Variants in CAMKK1 observed in about 807,000 individuals in gnomAD.
The protein encoded by CAMKK1 is calcium/calmodulin-dependent protein kinase kinase 1.
In CAMKK1, 20 loss-of-function variants were observed where a neutral mutation model predicts 63.5. The ratio of observed to expected loss-of-function variants is 0.32; its 90% CI spans 0.22 to 0.46. CAMKK1 has a LOEUF of 0.46. CAMKK1 is among the 20% of genes least tolerant of loss of function. CAMKK1 has a pLI of 1.00. For synonymous variants in CAMKK1, 253 were observed against 269.0 expected, an observed-to-expected ratio of 0.94 and a Z score of 0.58; for missense variants, 588 against 658.1, an observed-to-expected ratio of 0.89 and a Z score of 1.17.
At chr17:3,863,999 C>T (rs1027750800) in intron 15 of CAMKK1, among the ~76,000 whole-genome samples, 1 of 151,510 alleles carries the variant, frequency 6.6e-6, no homozygotes, top group African/African-American at 2.4e-5. Flanking sequence ...GTCACCCAGG[C>T]TGGAGTACAG....
chr17:3,867,808 G>C (rs897445654), intron 14 of CAMKK1, among the ~76,000 whole-genome samples: 10 of 152,162 alleles, frequency 6.6e-5, no homozygotes, highest in Non-Finnish European at 1.3e-4. Context: ...TTGACTGTCA[G>C]GCAGGGGCAG....
At chr17:3,875,290 C>T (rs932011995) in intron 10 of CAMKK1, among the ~76,000 whole-genome samples, 30 of 152,114 alleles carry the variant, frequency 2.0e-4, no homozygotes, top group African/African-American at 6.8e-4. Context: ...ACATCCCCAA[C>T]GTCTTTCTTT....
intron 10 of CAMKK1, 142 bp downstream of exon 10, chr17:3,876,081 T>C (rs1377737423): frequency 2.6e-6 from 2 of 767,418 alleles, no homozygotes; most frequent in Non-Finnish European, 4.1e-6. Flanking sequence ...GTTGTGGAGT[T>C]TGTCAGGCTC....
intron 10 of CAMKK1, among the ~76,000 whole-genome samples, chr17:3,874,957 TA>T (rs1295710214): frequency 1.3e-5 from 2 of 151,538 alleles, no homozygotes; most frequent in African/African-American, 2.4e-5. Context: ...CCGTCTCTAC[TA>T]AAAAATACAA....
chr17:3,869,126 G>A (rs559968366), intron 14 of CAMKK1, among the ~76,000 whole-genome samples: 10 of 150,534 alleles, frequency 6.6e-5, no homozygotes, highest in Non-Finnish European at 1.3e-4. Context: ...CCGCCACCAC[G>A]CCCAGCTAAT....
At position 3,882,508 on chromosome 17, in the gene CAMKK1, G is replaced by A. The variant is rs760431552; in HGVS notation, c.685+20C>T. ...GCCAGCCCTGAGTGAGCTGCTGTGGGAATGAGCCAGGTCACTCACCCAAAT... is the reference window on the plus strand; with the variant it reads ...GCCAGCCCTGAGTGAGCTGCTGTGGAAATGAGCCAGGTCACTCACCCAAAT... On this transcript the variant is annotated intron_variant, in intron 7 of 15. Transcript: ENST00000348335. This position sits in a 1 kb window ranked among gnomAD's most constrained non-coding sequence, Gnocchi z 4.3. 3.1e-6 allele frequency: 5 copies of A among 1,596,708 alleles called. No homozygotes were observed. In the Admixed American group the frequency reaches 8.8e-5, roughly 28 times the overall value.
chr17:3,884,329 C>T lies in CAMKK1; in HGVS notation c.408+51G>A. ...CTCCCACACGAGAGAAGGAGCAGCG[C>T]CAAACAGAGAATCCCGAAGCCCCCA... On this transcript the variant is annotated intron_variant, in intron 3 of 15. Transcript: ENST00000348335. This position sits in a 1 kb window ranked among gnomAD's most constrained non-coding sequence, Gnocchi z 4.5. The T allele has an allele frequency of 6.3e-7, 1 of 1,590,482 alleles. No homozygotes were observed. The highest frequency in any genetic ancestry group is 1.1e-5 in the South Asian group (1 of 90,468).
chr17:3,872,182 C>A (rs1480777766), intron 12 of CAMKK1, among the ~76,000 whole-genome samples: 2 of 152,210 alleles, frequency 1.3e-5, no homozygotes, highest in East Asian at 1.9e-4. Flanking sequence ...AAATGGGGAG[C>A]ACGCACTGGC....
chr17:3,871,393 C>G (rs79414225), intron 12 of CAMKK1, among the ~76,000 whole-genome samples: 11,478 of 125,296 alleles, frequency 0.092, 751 homozygotes, highest in East Asian at 0.38. Context: ...CTCGCTCTGT[C>G]GCCCAGGCTG....
At position 3,885,383 on chromosome 17, in the gene CAMKK1, C is replaced by CG; in HGVS notation, c.304dup (p.Arg102ProfsTer32). The CG allele has an allele frequency of 1.2e-6, 2 of 1,611,014 alleles. No individual in the cohort carries two copies. The highest frequency in any genetic ancestry group is 1.1e-5 in the South Asian group (1 of 90,958). On this transcript the variant is annotated frameshift_variant, in exon 2 of 16. Coordinates refer to ENST00000348335, the MANE Select transcript of CAMKK1 (RefSeq NM_032294.3). LOFTEE classifies it high-confidence loss of function. The stretch of plus-strand genomic sequence containing the variant: ...CTCGATGGTGGGCCTCCGCCAGGCC[C>CG]GGGGGGAGATGTGGCTGGCAGGCCC...
intron 1 of CAMKK1, among the ~76,000 whole-genome samples, chr17:3,886,106 T>C (rs1197564783): frequency 6.6e-6 from 1 of 152,246 alleles, no homozygotes; most frequent in Non-Finnish European, 1.5e-5. Flanking sequence ...CATGCAGCCC[T>C]GTGAGTCATG....
At chr17:3,873,707 G>A (rs1184520824) in intron 10 of CAMKK1, among the ~76,000 whole-genome samples, 1 of 152,112 alleles carries the variant, frequency 6.6e-6, no homozygotes, top group African/African-American at 2.4e-5. Flanking sequence ...ACTCTAACCA[G>A]GTACGTTTCC....
intron 12 of CAMKK1, among the ~76,000 whole-genome samples, chr17:3,870,761 C>T (rs536832026): frequency 6.6e-6 from 1 of 152,264 alleles, no homozygotes; most frequent in Admixed American, 6.5e-5. Context: ...ACTTCGGTTC[C>T]CCCTGTTGTC....
In CAMKK1 at chr17:3,860,762, G is replaced by A. The variant is rs933712863; in HGVS notation, c.*1449C>T. On this transcript the variant is annotated 3_prime_UTR_variant, in exon 16 of 16. Transcript: ENST00000348335. ...CTGTATTACAGATGCATGTACCAGT[G>A]CAGGACATACGAGTGAGCTGTGTGC... 6.6e-6 allele frequency: 1 copy of A among 152,228 alleles called. No homozygotes were observed. Among genetic ancestry groups the A allele is most frequent in the African/African-American group, 2.4e-5 (1 of 41,444 alleles). 9.4% of individuals were successfully genotyped at this position (152,228 alleles called of 1,614,324 possible).
chr17:3,870,668 C>A (rs1431682786), intron 12 of CAMKK1, among the ~76,000 whole-genome samples: 1 of 152,108 alleles, frequency 6.6e-6, no homozygotes, highest in Non-Finnish European at 1.5e-5. Flanking sequence ...CCCGGCCAAA[C>A]CCCAGGTTTC....
In CAMKK1 at chr17:3,880,450, C is replaced by T. The variant is rs150158165; in HGVS notation, c.708-16G>A. On this transcript the variant is annotated splice_polypyrimidine_tract_variant and intron_variant, in intron 8 of 15. Transcript: ENST00000348335. ...CATGACGGGCCTATGGAGAAGGATG[C>T]GGGGAGGGGCATTCAGCTGAAATCA... is the stretch of plus-strand genomic sequence containing the variant. 1.6e-4 allele frequency: 256 copies of T among 1,604,890 alleles called. 1 individual carries two copies. The highest frequency in any genetic ancestry group is 1.4e-3 in the African/African-American group (102 of 74,770).
chr17:3,868,376 G>A (rs560962836), intron 14 of CAMKK1, among the ~76,000 whole-genome samples: 1 of 151,026 alleles, frequency 6.6e-6, no homozygotes, highest in South Asian at 2.1e-4. Flanking sequence ...GGGCGCTGGG[G>A]GAGACGCAGG....
intron 14 of CAMKK1, among the ~76,000 whole-genome samples, chr17:3,868,818 A>G (rs770650522): frequency 6.7e-6 from 1 of 149,764 alleles, no homozygotes; most frequent in Non-Finnish European, 1.5e-5. Flanking sequence ...GCGCCCGGCT[A>G]ATTTTTTTGT....
chr17:3,889,989 C>T lies in CAMKK1; in HGVS notation c.-44+2950G>A, dbSNP rs118100873. The stretch of plus-strand genomic sequence containing the variant: ...GCCGCTGTGAACCCCAGTGCCAAGC[C>T]GAGGCAGGGGACCAGCTACATCCAG... On this transcript the variant is annotated intron_variant, in intron 1 of 15. Transcript: ENST00000348335. The surrounding 1 kb of genome is among the most constrained non-coding windows in gnomAD (Gnocchi z 5.2). Among the ~76,000 whole-genome samples the T allele has an allele frequency of 3.3e-4, 51 of 152,342 alleles. No individual in the cohort carries two copies. In the East Asian group the frequency reaches 7.3e-3, roughly 22 times the overall value.
Sources: allele counts gnomAD v4.1 joint callset (sites outside exome capture counted in the v4.1 genomes callset), GRCh38; gene constraint gnomAD v4.1.1; non-coding constraint Gnocchi (gnomAD v3.1); transcripts MANE v1.5; gene names NCBI Gene and HGNC (gene_info 2026-07-23, HGNC 2026-07-21).